Variants in PPP2R2B observed in about 807,000 individuals in gnomAD.
PPP2R2B encodes serine/threonine-protein phosphatase 2A 55 kDa regulatory subunit B beta isoform.
In PPP2R2B, 5 loss-of-function variants were observed where a neutral mutation model predicts 46.0. That is an observed-to-expected ratio of 0.11 (90% CI 0.06 to 0.23). The LOEUF is 0.23. PPP2R2B is among the 10% of genes least tolerant of loss of function. The pLI is 1.00. For missense variants in PPP2R2B, 367 were observed against 575.0 expected (o/e 0.64, Z 3.70); for synonymous variants, 215 against 206.7 (o/e 1.04, Z -0.34).
At chr5:146,807,615 G>A (rs187762601) in intron 2 of PPP2R2B, among the ~76,000 whole-genome samples, 122 of 152,062 alleles carry the variant, frequency 8.0e-4, no homozygotes, top group African/African-American at 2.9e-3. Flanking sequence ...TCATTTCACA[G>A]ATGAGAAATG....
intron 6 of PPP2R2B, among the ~76,000 whole-genome samples, chr5:146,648,995 A>G (rs1775761431): frequency 1.3e-5 from 2 of 152,206 alleles, no homozygotes; most frequent in African/African-American, 4.8e-5. Flanking sequence ...GTTTTTTATC[A>G]GGGAAGGAAT....
intron 1 of PPP2R2B, among the ~76,000 whole-genome samples, chr5:147,023,931 C>T (rs1580818641): frequency 6.6e-6 from 1 of 152,200 alleles, no homozygotes; most frequent in South Asian, 2.1e-4. Flanking sequence ...GTTCTTGCGT[C>T]TTCATCTGCA....
intron 1 of PPP2R2B, among the ~76,000 whole-genome samples, chr5:147,004,064 G>A (rs894153028): frequency 2.0e-5 from 3 of 152,092 alleles, no homozygotes; most frequent in Non-Finnish European, 1.5e-5. Flanking sequence ...AAGGAAAAGC[G>A]AGATCGGAGA....
At chr5:147,010,065 A>G (rs1754642809) in intron 1 of PPP2R2B, among the ~76,000 whole-genome samples, 1 of 152,208 alleles carries the variant, frequency 6.6e-6, no homozygotes, top group East Asian at 1.9e-4. Context: ...TACACACTTT[A>G]CAAGGGCATT....
At chr5:146,624,060 G>A (rs1157976985) in intron 7 of PPP2R2B, among the ~76,000 whole-genome samples, 1 of 152,018 alleles carries the variant, frequency 6.6e-6, no homozygotes, top group Non-Finnish European at 1.5e-5. Context: ...ATTATATGAT[G>A]TAAGAAAAAA....
At chr5:147,028,571 C>CTT (rs1755633549) in intron 1 of PPP2R2B, among the ~76,000 whole-genome samples, 1 of 152,136 alleles carries the variant, frequency 6.6e-6, no homozygotes, top group South Asian at 2.1e-4. Context: ...TCACAATTTA[C>CTT]TTGGTCATTC....
chr5:146,716,647 C>T (rs963008712), intron 2 of PPP2R2B, among the ~76,000 whole-genome samples: 17 of 152,144 alleles, frequency 1.1e-4, no homozygotes, highest in African/African-American at 3.6e-4. Flanking sequence ...CTCAATACTA[C>T]CCTGCATTCA....
chr5:147,040,399 G>C (rs1302114415), intron 1 of PPP2R2B, among the ~76,000 whole-genome samples: 2 of 151,994 alleles, frequency 1.3e-5, no homozygotes, highest in Non-Finnish European at 2.9e-5. Flanking sequence ...TTTCCAAACA[G>C]AAGACTAGAA....
At chr5:146,846,522 A>T (rs903731229) in intron 2 of PPP2R2B, among the ~76,000 whole-genome samples, 18 of 151,556 alleles carry the variant, frequency 1.2e-4, no homozygotes, top group African/African-American at 4.4e-4. Flanking sequence ...TACTAAAAAT[A>T]CAAAAATCAG....
At chr5:146,981,219 A>G (rs1447766207) in intron 1 of PPP2R2B, among the ~76,000 whole-genome samples, 2 of 152,158 alleles carry the variant, frequency 1.3e-5, no homozygotes, top group Non-Finnish European at 2.9e-5. Flanking sequence ...CCCCTGCTTC[A>G]TTCAGGGTTC....
In PPP2R2B at chr5:146,936,145, C is replaced by A. The variant is rs186301984; in HGVS notation, c.79+119520G>T. Among the ~76,000 whole-genome samples the A allele has an allele frequency of 2.0e-5, 3 of 152,218 alleles. No individual in the cohort carries two copies. The East Asian group carries it at 5.8e-4, about 29-fold the overall frequency. On this transcript the variant is annotated intron_variant, in intron 1 of 8. Coordinates refer to the PPP2R2B transcript ENST00000336640. ...GCCATCAGTTTAGGCATCAGCAGAG[C>A]CACATATGTTGACATTTTGGGGTAG...
At chr5:146,653,340 G>T (rs1776102832) in intron 5 of PPP2R2B, among the ~76,000 whole-genome samples, 1 of 152,158 alleles carries the variant, frequency 6.6e-6, no homozygotes, top group Non-Finnish European at 1.5e-5. Context: ...AATGGTAGTG[G>T]TATTCATAGT....
At chr5:146,877,634 C>A (rs1208765061) in intron 2 of PPP2R2B, among the ~76,000 whole-genome samples, 1 of 152,008 alleles carries the variant, frequency 6.6e-6, no homozygotes, top group Non-Finnish European at 1.5e-5. Flanking sequence ...GGAGGGGGGA[C>A]CAAGGTCCTA....
intron 1 of PPP2R2B, among the ~76,000 whole-genome samples, chr5:147,005,648 A>C (rs1291194650): frequency 6.6e-6 from 1 of 152,108 alleles, no homozygotes. Context: ...AGCAGAAAGG[A>C]AAGAGAGAAA....
intron 2 of PPP2R2B, among the ~76,000 whole-genome samples, chr5:146,860,816 C>G (rs1582291304): frequency 6.6e-6 from 1 of 152,212 alleles, no homozygotes; most frequent in Non-Finnish European, 1.5e-5. Flanking sequence ...CTCATCCAGA[C>G]CGTTGCTCAG....
chr5:147,019,074 G>A (rs944119644), intron 1 of PPP2R2B, among the ~76,000 whole-genome samples: 32 of 152,106 alleles, frequency 2.1e-4, no homozygotes, highest in African/African-American at 5.3e-4. Context: ...ATGACTACCC[G>A]AAGTGTTTCA....
chr5:146,932,253 T>C (rs1763992910), intron 1 of PPP2R2B, among the ~76,000 whole-genome samples: 1 of 152,180 alleles, frequency 6.6e-6, no homozygotes, highest in African/African-American at 2.4e-5. Flanking sequence ...CCCTCAGCTT[T>C]CTATCCTGGT....
At position 147,016,771 on chromosome 5, in the gene PPP2R2B, G is replaced by C. The variant is rs148474587; in HGVS notation, c.79+38894C>G. On this transcript the variant is annotated intron_variant, in intron 1 of 8. Transcript: ENST00000336640. ...AGAGAATGGGCATTCTATCCAGGCA[G>C]AAAACATGTCATAATAAAAGGCAAG... 2.0e-3 allele frequency among the ~76,000 whole-genome samples: 307 copies of C among 151,714 alleles called. 1 individual carries two copies. The highest frequency in any genetic ancestry group is 6.8e-3 in the African/African-American group (284 of 41,542).
chr5:147,000,343 G>A (rs894866944), intron 1 of PPP2R2B, among the ~76,000 whole-genome samples: 2 of 152,032 alleles, frequency 1.3e-5, no homozygotes, highest in Non-Finnish European at 2.9e-5. Context: ...GGCTCTTCAA[G>A]TTTGAACTTC....
Sources: allele counts gnomAD v4.1 joint callset (sites outside exome capture counted in the v4.1 genomes callset), GRCh38; gene constraint gnomAD v4.1.1; transcripts MANE v1.5; gene names NCBI Gene and HGNC (gene_info 2026-07-23, HGNC 2026-07-21).